The following CRACD variants were observed in gnomAD, a reference collection of about 807,000 sequenced individuals.
CRACD encodes capping protein inhibiting regulator of actin dynamics, also known as capping protein-inhibiting regulator of actin dynamics.
In CRACD, 56 loss-of-function variants were observed where a neutral mutation model predicts 106.8. The ratio of observed to expected loss-of-function variants is 0.52; its 90% confidence interval spans 0.42 to 0.66. CRACD has a LOEUF of 0.66. Among genes scored for constraint, CRACD ranks in the 30% least tolerant of loss-of-function variants. CRACD has a pLI of 0.00. For synonymous variants in CRACD, 754 were observed against 670.8 expected (o/e 1.12, Z -1.92); for missense variants, 1,730 against 1,623.2 (o/e 1.07, Z -1.13).
intron 1 of CRACD, among the ~76,000 whole-genome samples, chr4:56,160,489 C>G (rs2109903011): frequency 6.6e-6 from 1 of 152,234 alleles, no homozygotes; most frequent in South Asian, 2.1e-4. Flanking sequence ...TGGCCACTAC[C>G]TGCTTTTTAA....
In CRACD at chr4:56,057,841, C is replaced by T. The variant is rs1327118932; in HGVS notation, c.-336+8542C>T. Reference sequence around the variant, plus strand: ...TTTTTTTTTTTTTTTTTTTTTGAGACGGAGTCTCGCTCTGTCGCCCAGGCT... The same window carrying T: ...TTTTTTTTTTTTTTTTTTTTTGAGATGGAGTCTCGCTCTGTCGCCCAGGCT... On this transcript the variant is annotated intron_variant, in intron 1 of 10. Coordinates refer to ENST00000682029, the MANE Select transcript of CRACD (RefSeq NM_001393381.1). Among the ~76,000 whole-genome samples the T allele has an allele frequency of 7.9e-3, 343 of 43,252 alleles. 4 individuals are homozygous for T. Among genetic ancestry groups the T allele is most frequent in the Middle Eastern group, 0.019 (1 of 54 alleles). The allele number at this position is 43,252 out of a possible 152,430, so 28.4% of individuals were successfully genotyped here. A position where few individuals can be genotyped will look rare whatever the true frequency, so the allele number is the denominator to read the frequency against.
At chr4:56,317,456 A>T (rs1455199097) in intron 8 of CRACD, among the ~76,000 whole-genome samples, 1 of 152,224 alleles carries the variant, frequency 6.6e-6, no homozygotes, top group Non-Finnish European at 1.5e-5. Context: ...CACAAGCGAT[A>T]AAAGGTGCCA....
chr4:56,249,079 G>T, intron 2 of CRACD, among the ~76,000 whole-genome samples: 1 of 127,370 alleles, frequency 7.9e-6, no homozygotes, highest in African/African-American at 3.0e-5. Flanking sequence ...TAGTCCTTTG[G>T]GTATATACCC....
chr4:56,164,535 G>A (rs1736071115), intron 1 of CRACD, among the ~76,000 whole-genome samples: 2 of 152,196 alleles, frequency 1.3e-5, no homozygotes, highest in Non-Finnish European at 2.9e-5. Flanking sequence ...AGCATTAGGC[G>A]GAGTGCAAGA....
At position 56,323,537 on chromosome 4, in the gene CRACD, C is replaced by T. The variant is rs1451028537; in HGVS notation, c.3348C>T (p.Ala1116=). The T allele has an allele frequency of 2.5e-6, 4 of 1,589,568 alleles. No homozygotes were observed. The highest frequency in any genetic ancestry group is 3.4e-6 in the Non-Finnish European group (4 of 1,173,744). ...TREERKQARE[A]KQAEKLSKEN... ...AGGAGAGAAAGCAAGCCAGAGAGGC[C>T]AAACAGGCAGAAAAGCTCTCCAAAG... Residue 1116 remains alanine, a synonymous_variant, in exon 9 of 11, where the codon GCC becomes GCT. Coordinates refer to ENST00000682029, the MANE Select transcript of CRACD (RefSeq NM_001393381.1).
chr4:56,268,478 T>G (rs2109636766), intron 2 of CRACD, among the ~76,000 whole-genome samples: 1 of 152,242 alleles, frequency 6.6e-6, no homozygotes, highest in Middle Eastern at 3.4e-3. Flanking sequence ...AAAAAAATTA[T>G]TTTTAAAAAG....
intron 3 of CRACD, among the ~76,000 whole-genome samples, chr4:56,282,042 A>G (rs561810278): frequency 2.6e-5 from 4 of 152,152 alleles, no homozygotes; most frequent in East Asian, 3.9e-4. Context: ...AGATAATCTG[A>G]CTCCAGTCTC....
At chr4:56,057,270 A>G (rs550277279) in intron 1 of CRACD, among the ~76,000 whole-genome samples, 2 of 152,298 alleles carry the variant, frequency 1.3e-5, no homozygotes, top group African/African-American at 4.8e-5. Context: ...CTAATAGGTT[A>G]GGGGCTCAGG....
At chr4:56,090,049 ACTC>A (rs547236956) in intron 1 of CRACD, among the ~76,000 whole-genome samples, 42 of 151,744 alleles carry the variant, frequency 2.8e-4, no homozygotes, top group Non-Finnish European at 4.9e-4. Context: ...GCCAAAAACT[ACTC>A]CTCATGAGGG....
chr4:56,231,536 A>G (rs568618716), intron 2 of CRACD, among the ~76,000 whole-genome samples: 26 of 152,322 alleles, frequency 1.7e-4, no homozygotes, highest in South Asian at 1.7e-3. Flanking sequence ...CATGCTGTAG[A>G]GTGTTATAGG....
At chr4:56,255,938 T>C (rs1364966979) in intron 2 of CRACD, among the ~76,000 whole-genome samples, 3 of 152,224 alleles carry the variant, frequency 2.0e-5, no homozygotes, top group Non-Finnish European at 4.4e-5. Context: ...CTGTTCAAGT[T>C]GCTCTGCCAT....
intron 1 of CRACD, among the ~76,000 whole-genome samples, chr4:56,124,019 C>T (rs1301427009): frequency 6.6e-6 from 1 of 151,976 alleles, no homozygotes; most frequent in Non-Finnish European, 1.5e-5. Context: ...CTCACTGCAA[C>T]CTCTGCCTCC....
intron 1 of CRACD, among the ~76,000 whole-genome samples, chr4:56,072,051 C>T (rs1732675310): frequency 6.6e-6 from 1 of 151,058 alleles, no homozygotes; most frequent in Non-Finnish European, 1.5e-5. Context: ...TGGCGTGAAC[C>T]CGGGAGGCGG....
chr4:56,311,393 T>C (rs953117881), intron 6 of CRACD: 1 of 152,210 alleles, frequency 6.6e-6, no homozygotes. Context: ...GCCCAGACAA[T>C]GAGGAAGCCA....
intron 2 of CRACD, among the ~76,000 whole-genome samples, chr4:56,239,829 A>G (rs1186417627): frequency 6.6e-6 from 1 of 152,078 alleles, no homozygotes; most frequent in Non-Finnish European, 1.5e-5. Flanking sequence ...CCACCAGACT[A>G]ACACAAAAAG....
intron 2 of CRACD, among the ~76,000 whole-genome samples, chr4:56,238,892 T>TA (rs1256332155): frequency 6.6e-6 from 1 of 152,202 alleles, no homozygotes; most frequent in African/African-American, 2.4e-5. Flanking sequence ...AATTTGTAGT[T>TA]AGAGTTTTAA....
intron 1 of CRACD, among the ~76,000 whole-genome samples, chr4:56,178,126 C>T (rs1440374220): frequency 6.6e-6 from 1 of 152,102 alleles, no homozygotes; most frequent in Non-Finnish European, 1.5e-5. Context: ...AACTAGAACT[C>T]TCATATATTA....
chr4:56,279,528 A>G (rs1406611916), intron 3 of CRACD, among the ~76,000 whole-genome samples: 3 of 152,222 alleles, frequency 2.0e-5, no homozygotes, highest in Non-Finnish European at 4.4e-5. Flanking sequence ...ATGCAGCCGA[A>G]AGACACATGA....
At chr4:56,107,076 TCCTCCC>T (rs1437077637) in intron 1 of CRACD, among the ~76,000 whole-genome samples, 1 of 152,144 alleles carries the variant, frequency 6.6e-6, no homozygotes, top group African/African-American at 2.4e-5. Context: ...ACCCAAGCGA[TCCTCCC>T]CCCTTTTAGC....
Sources: allele counts gnomAD v4.1 joint callset (sites outside exome capture counted in the v4.1 genomes callset), GRCh38; gene constraint gnomAD v4.1.1; transcripts MANE v1.5; gene names NCBI Gene and HGNC (gene_info 2026-07-23, HGNC 2026-07-21).